TGFB1: variants seen among roughly 807,000 people sequenced by gnomAD.
The protein encoded by TGFB1 is transforming growth factor beta 1.
A neutral mutation model predicts 43.8 loss-of-function variants in TGFB1; 19 were observed. The observed-to-expected ratio is 0.43, with a 90% confidence interval of 0.30 to 0.64. The LOEUF is 0.64. Among genes scored for constraint, TGFB1 ranks in the 30% least tolerant of loss-of-function variants. TGFB1 has a pLI of 0.11. For missense variants in TGFB1, 445 were observed against 529.8 expected, an observed-to-expected ratio of 0.84 and a Z score of 1.57; for synonymous variants, 221 against 236.3, an observed-to-expected ratio of 0.94 and a Z score of 0.60.
intron 1 of TGFB1, chr19:41,351,155 C>G (rs1462052198): frequency 6.6e-6 from 1 of 152,332 alleles, no homozygotes; most frequent in African/African-American, 2.4e-5. Context: ...TTGGAGGTGT[C>G]AGTGTTAAAG....
At chr19:41,333,730 G>A (rs185836723) in intron 5 of TGFB1, among the ~76,000 whole-genome samples, 1 of 152,306 alleles carries the variant, frequency 6.6e-6, no homozygotes, top group East Asian at 1.9e-4. Flanking sequence ...GCAGTGTCTG[G>A]AATGCAGTAG....
chr19:41,331,942 C>T, intron 6 of TGFB1, 186 bp downstream of exon 6: 1 of 769,410 alleles, frequency 1.3e-6, no homozygotes, highest in Admixed American at 2.9e-5. Flanking sequence ...CTGGCCCCTG[C>T]TCAGAGCCCC....
chr19:41,338,465 C>T (rs1250530546), intron 5 of TGFB1, among the ~76,000 whole-genome samples: 1 of 149,998 alleles, frequency 6.7e-6, no homozygotes, highest in Non-Finnish European at 1.5e-5. Flanking sequence ...CATTACACTC[C>T]AGCCTGAGTG....
rs747968669 is a variant in TGFB1, at chr19:41,332,270, T to G, written c.872A>C (p.Lys291Thr). 1.2e-5 allele frequency: 20 copies of G among 1,613,928 alleles called. No homozygotes were observed. In the South Asian group the frequency reaches 2.1e-4, roughly 17 times the overall value. The change falls in exon 6 of 7, where the codon AAG (lysine) becomes ACG (threonine). Residue 291 changes from lysine to threonine, a missense_variant. This residue lies in a region of TGFB1 where 366 missense variants were observed against 428.8 expected (regional missense o/e 0.85). Transcript: ENST00000221930. Reference sequence around the variant, plus strand: ...GTACAGCTGCCGCACGCAGCAGTTCTTCTCCGTGGAGCTGCAGGCAGGAGA... The same window carrying G: ...GTACAGCTGCCGCACGCAGCAGTTCGTCTCCGTGGAGCTGCAGGCAGGAGA... ...DTNYCFSSTE[K>T]NCCVRQLYID...
chr19:41,332,017 TTCTC>T (rs2037937334), intron 6 of TGFB1, 107 bp downstream of exon 6: 2 of 1,412,256 alleles, frequency 1.4e-6, no homozygotes, highest in South Asian at 2.6e-5. Context: ...ATCCCTCTCT[TTCTC>T]CCCATCCTGC....
chr19:41,346,946 G>C, intron 2 of TGFB1, among the ~76,000 whole-genome samples: 1 of 151,996 alleles, frequency 6.6e-6, no homozygotes, highest in East Asian at 1.9e-4. Flanking sequence ...GGCTGGTCTT[G>C]AACTCCTGAC....
intron 5 of TGFB1, among the ~76,000 whole-genome samples, chr19:41,334,361 G>T (rs1404354103): frequency 6.6e-6 from 1 of 151,558 alleles, no homozygotes; most frequent in African/African-American, 2.4e-5. Context: ...GGGCAACAGG[G>T]TGAGACTCTG....
At chr19:41,352,007 C>T (rs979151243) in intron 1 of TGFB1, among the ~76,000 whole-genome samples, 1 of 152,064 alleles carries the variant, frequency 6.6e-6, no homozygotes, top group Non-Finnish European at 1.5e-5. Context: ...GGGCGCCCTC[C>T]CGAGTCTCCG....
chr19:41,342,134 G>A (rs1046389407), intron 4 of TGFB1, 36 bp downstream of exon 4: 8 of 1,611,092 alleles, frequency 5.0e-6, no homozygotes, highest in Non-Finnish European at 4.2e-6. Flanking sequence ...ACGCACACAC[G>A]TCACAACTGG....
intron 6 of TGFB1, 70 bp downstream of exon 6, chr19:41,332,058 C>T: frequency 3.2e-6 from 5 of 1,565,102 alleles, no homozygotes; most frequent in Admixed American, 1.8e-5. Flanking sequence ...CTTTACTTCT[C>T]TTTCTCTCTC....
chr19:41,352,998 A>C lies in TGFB1; in HGVS notation c.47T>G (p.Leu16Arg). The change falls in exon 1 of 7, where the codon CTG (leucine) becomes CGG (arginine). Residue 16 changes from leucine (L) to arginine (R), a missense_variant. By Grantham distance (102) the Leu-to-Arg change is moderately radical. Transcript: ENST00000221930. ...LRLLPLLLPLLWLLVLTPGRP... is the reference protein window; with the variant it reads ...LRLLPLLLPLRWLLVLTPGRP... ...GCCAGGCGTCAGCACCAGTAGCCAC[A>C]GCAGCGGTAGCAGCAGCGGCAGCAG... 1 of 1,536,214 alleles carries C rather than the reference A, an allele frequency of 6.5e-7. No homozygotes were observed. Among genetic ancestry groups the C allele is most frequent in the Non-Finnish European group, 8.7e-7 (1 of 1,145,094 alleles).
At position 41,331,152 on chromosome 19, in the gene TGFB1, G is replaced by C. The variant is rs1444572464; in HGVS notation, c.1073C>G (p.Pro358Arg). 6.4e-7 allele frequency: 1 copy of C among 1,566,500 alleles called. No homozygotes were observed. The highest frequency in any genetic ancestry group is 8.6e-7 in the Non-Finnish European group (1 of 1,158,226). ...PGASAAPCCV[P>R]QALEPLPIVY... ...GATGGGCAGCGGCTCCAGCGCCTGC[G>C]GCACGCAGCACGGCGCCGCCGAGGC... The change falls in exon 7 of 7, where the codon CCG (proline) becomes CGG (arginine). Residue 358 changes from proline (P) to arginine (R), a missense_variant. Physicochemically the swap from Pro to Arg is moderately radical, Grantham distance 103. This residue lies in a region of TGFB1 where 56 missense variants were observed against 46.9 expected (regional missense o/e 1.19). Coordinates refer to ENST00000221930, the MANE Select transcript of TGFB1 (RefSeq NM_000660.7).
chr19:41,335,108 G>A (rs1056780268), intron 5 of TGFB1, among the ~76,000 whole-genome samples: 6 of 150,926 alleles, frequency 4.0e-5, no homozygotes, highest in African/African-American at 1.5e-4. Context: ...GCTGGAGTGC[G>A]ATGGTGTGAT....
rs201828175 is a variant in TGFB1 at position 41,344,816 on chromosome 19, G to A, written c.565C>T (p.Pro189Ser). Residue 189 changes from proline to serine, a missense_variant, in exon 3 of 7, where the codon CCC (proline) becomes TCC (serine). Transcript: ENST00000221930. The stretch of plus-strand genomic sequence containing the variant: ...GATAACCACTCTGGCGAGTCGCTGG[G>A]TGCCAGCAGCCGGTTGCTGAGGTAT... ...WRYLSNRLLA[P>S]SDSPEWLSFD... The A allele has an allele frequency of 3.1e-6, 5 of 1,611,492 alleles. No homozygotes were observed. The highest frequency in any genetic ancestry group is 2.7e-5 in the African/African-American group (2 of 74,924).
chr19:41,332,125 T>C lies in TGFB1; in HGVS notation c.1014+3A>G, dbSNP rs1210427545. 1.9e-6 allele frequency: 3 copies of C among 1,610,538 alleles called. No individual in the cohort carries two copies. The highest frequency in any genetic ancestry group is 2.5e-6 in the Non-Finnish European group (3 of 1,177,084). On this transcript the variant is annotated splice_donor_region_variant and intron_variant, in intron 6 of 6. Transcript: ENST00000221930. ...ATCTCGTAGCCCGGTGGGCCAGACG[T>C]ACCTTGCTGTACTGCGTGTCCAGGC...
rs2038099948 is a variant in TGFB1 at position 41,344,986 on chromosome 19, C to T, written c.517-122G>A. 4 of 908,044 alleles carry T rather than the reference C, an allele frequency of 4.4e-6. No homozygotes were observed. The South Asian group carries it at 5.7e-5, about 13-fold the overall frequency. 56.2% of individuals were successfully genotyped at this position (908,044 alleles called of 1,614,324 possible). A position where few individuals can be genotyped will look rare whatever the true frequency, so the allele number is the denominator to read the frequency against. Reference sequence around the variant, plus strand: ...CAGGCTTCCAGAAAGTTCCCAGGCACTACCCTCTCAGACAGCCACCTGTGT... The same window carrying T: ...CAGGCTTCCAGAAAGTTCCCAGGCATTACCCTCTCAGACAGCCACCTGTGT... On this transcript the variant is annotated intron_variant, in intron 2 of 6. Coordinates refer to ENST00000221930, the MANE Select transcript of TGFB1 (RefSeq NM_000660.7).
In TGFB1 at chr19:41,331,019, GC is replaced by G. The variant is rs988979301; in HGVS notation, c.*32del. On this transcript the variant is annotated 3_prime_UTR_variant, in exon 7 of 7. Transcript: ENST00000221930. ...CGGGGGCGGGGCGGGGTGGGGCCGGGCCTGCCGGGGCGGGGCGGGGCGGGGC... is the reference window on the plus strand; with the variant it reads ...CGGGGGCGGGGCGGGGTGGGGCCGGGCTGCCGGGGCGGGGCGGGGCGGGGC... 7.2e-6 allele frequency: 10 copies of G among 1,396,536 alleles called. No individual in the cohort carries two copies. Among genetic ancestry groups the G allele is most frequent in the Non-Finnish European group, 6.5e-6 (7 of 1,073,606 alleles). 86.5% of individuals were successfully genotyped at this position (1,396,536 alleles called of 1,614,324 possible).
At position 41,343,401 on chromosome 19, in the gene TGFB1, T is replaced by C. The variant is rs530353533; in HGVS notation, c.635-1154A>G. On this transcript the variant is annotated intron_variant, in intron 3 of 6. Transcript: ENST00000221930. ...CACCCACCTCGGCCTCTCAAAGTGCTGGGATTACAGGCGTGAGCCACCATG... is the reference window on the plus strand; with the variant it reads ...CACCCACCTCGGCCTCTCAAAGTGCCGGGATTACAGGCGTGAGCCACCATG... Among the ~76,000 whole-genome samples the C allele has an allele frequency of 8.9e-4, 136 of 152,326 alleles. 1 individual carries two copies. The highest frequency in any genetic ancestry group is 3.2e-3 in the African/African-American group (131 of 41,580).
intron 1 of TGFB1, chr19:41,351,176 A>C (rs1395421299): frequency 6.6e-6 from 1 of 152,394 alleles, no homozygotes; most frequent in Non-Finnish European, 1.5e-5. Flanking sequence ...GAACCTCTAC[A>C]ACGAAGGTGA....
Sources: allele counts gnomAD v4.1 joint callset (sites outside exome capture counted in the v4.1 genomes callset), GRCh38; gene constraint gnomAD v4.1.1; regional missense constraint gnomAD v4.1.1; transcripts MANE v1.5; gene names NCBI Gene and HGNC (gene_info 2026-07-23, HGNC 2026-07-21).